Variants in PCDHGA9 observed in about 807,000 individuals in gnomAD.
PCDHGA9 encodes protocadherin gamma subfamily A, 9.
Under a neutral mutation model 62.5 loss-of-function variants are expected in PCDHGA9, and 37 were observed. That is an observed-to-expected ratio of 0.59 (90% CI 0.46 to 0.78). The LOEUF is 0.78. PCDHGA9 is among the 30% of genes least tolerant of loss of function. PCDHGA9 has a pLI of 0.00. For synonymous variants in PCDHGA9, 459 were observed against 484.6 expected, an observed-to-expected ratio of 0.95 and a Z score of 0.69; for missense variants, 1,138 against 1,166.2, an observed-to-expected ratio of 0.98 and a Z score of 0.35.
intron 1 of PCDHGA9, chr5:141,419,669 C>T: frequency 6.2e-7 from 1 of 1,612,840 alleles, no homozygotes; most frequent in Non-Finnish European, 8.5e-7. Context: ...CAATGCCTGG[C>T]TGTCCTACCA....
chr5:141,408,298 G>T (rs778209794), intron 1 of PCDHGA9: 1 of 1,613,704 alleles, frequency 6.2e-7, no homozygotes, highest in South Asian at 1.1e-5. Context: ...TGAGTGAGCC[G>T]ATCCGCTACT....
intron 1 of PCDHGA9, among the ~76,000 whole-genome samples, chr5:141,466,921 AG>A (rs2099132133): frequency 6.6e-6 from 1 of 152,204 alleles, no homozygotes; most frequent in African/African-American, 2.4e-5. Context: ...TCCTTGTATT[AG>A]GAATATTAGT....
At position 141,476,978 on chromosome 5, in the gene PCDHGA9, C is replaced by T; in HGVS notation, c.2425-17829C>T. 2 of 1,614,256 alleles carry T rather than the reference C, an allele frequency of 1.2e-6. No homozygotes were observed. Among genetic ancestry groups the T allele is most frequent in the Non-Finnish European group, 1.7e-6 (2 of 1,180,058 alleles). ...TATTTACTCCTTCGGCAGCCACAAC[C>T]GCGCCGGCGTGCGGCAACTATTCGC... On this transcript the variant is annotated intron_variant, in intron 1 of 3. Coordinates refer to ENST00000573521, the MANE Select transcript of PCDHGA9 (RefSeq NM_018921.3). This position sits in a 1 kb window ranked among gnomAD's most constrained non-coding sequence, Gnocchi z 7.6.
chr5:141,464,419 A>G (rs2099083824), intron 1 of PCDHGA9, among the ~76,000 whole-genome samples: 1 of 151,768 alleles, frequency 6.6e-6, no homozygotes, highest in South Asian at 2.1e-4. Context: ...ATATATCTAT[A>G]TATATAGATA....
chr5:141,488,711 A>G (rs184498001), intron 1 of PCDHGA9, among the ~76,000 whole-genome samples: 100 of 152,290 alleles, frequency 6.6e-4, no homozygotes, highest in Non-Finnish European at 1.2e-3. Context: ...TGCTGGTTCA[A>G]GCAAAGTGGT....
In PCDHGA9 at chr5:141,477,028, G is replaced by A. The variant is rs1015508317; in HGVS notation, c.2425-17779G>A. On this transcript the variant is annotated intron_variant, in intron 1 of 3. Coordinates refer to ENST00000573521, the MANE Select transcript of PCDHGA9 (RefSeq NM_018921.3). The surrounding 1 kb of genome is among the most constrained non-coding windows in gnomAD (Gnocchi z 4.9). ...CCTTAGACCTTGTAACCGGGATGCT[G>A]ACAATCAAGGGTCGGCTGGACTTCG... The A allele has an allele frequency of 2.5e-6, 4 of 1,614,146 alleles. No homozygotes were observed. The highest frequency in any genetic ancestry group is 1.7e-5 in the Admixed American group (1 of 60,018).
chr5:141,423,661 GT>G, intron 1 of PCDHGA9: 1 of 1,555,760 alleles, frequency 6.4e-7, no homozygotes. Flanking sequence ...AAGTAATCAG[GT>G]GAGATTTATT....
At chr5:141,422,965 C>T (rs2096693602) in intron 1 of PCDHGA9, 2 of 1,614,116 alleles carry the variant, frequency 1.2e-6, no homozygotes, top group African/African-American at 2.7e-5. Context: ...GGAGCTGGCG[C>T]CCCGCTCTGC....
rs756658304 is a variant in PCDHGA9, at chr5:141,485,531, G to C, written c.2425-9276G>C. 6.8e-6 allele frequency: 11 copies of C among 1,614,218 alleles called. No homozygotes were observed. In the Admixed American group the frequency reaches 1.5e-4, roughly 22 times the overall value. On this transcript the variant is annotated intron_variant, in intron 1 of 3. Transcript: ENST00000573521. This position sits in a 1 kb window ranked among gnomAD's most constrained non-coding sequence, Gnocchi z 5.7. ...AGGTCCTTTGGAAATGTACCGAGCA[G>C]AGGTAGAGATCGTAGATGTGAATGA... is the stretch of plus-strand genomic sequence containing the variant.
At chr5:141,465,152 G>C (rs1028596804) in intron 1 of PCDHGA9, among the ~76,000 whole-genome samples, 1 of 151,422 alleles carries the variant, frequency 6.6e-6, no homozygotes, top group African/African-American at 2.4e-5. Flanking sequence ...TATATGAAGG[G>C]ACTCTAAATG....
At chr5:141,484,621 T>C (rs2099598239) in intron 1 of PCDHGA9, among the ~76,000 whole-genome samples, 1 of 152,058 alleles carries the variant, frequency 6.6e-6, no homozygotes, top group Admixed American at 6.6e-5. Flanking sequence ...CAACACTGGC[T>C]TGAACAAAGT....
At chr5:141,478,063 A>G in intron 1 of PCDHGA9, 1 of 1,614,168 alleles carries the variant, frequency 6.2e-7, no homozygotes, top group Non-Finnish European at 8.5e-7. Context: ...TCTTGATCAA[A>G]GACAATGGGG....
intron 1 of PCDHGA9, chr5:141,408,715 G>T: frequency 1.9e-6 from 3 of 1,612,078 alleles, no homozygotes; most frequent in Non-Finnish European, 2.5e-6. Flanking sequence ...AAGATTATAA[G>T]ATAAACTCTA....
intron 1 of PCDHGA9, among the ~76,000 whole-genome samples, chr5:141,457,745 G>T (rs1039982528): frequency 6.6e-6 from 1 of 152,232 alleles, no homozygotes; most frequent in Non-Finnish European, 1.5e-5. Flanking sequence ...TTTTAAAGCT[G>T]AGCCCAGACA....
rs375469126 is a variant in PCDHGA9 at position 141,405,300 on chromosome 5, A to G, written c.2348A>G (p.Gln783Arg). 207 of 1,614,206 alleles carry G rather than the reference A, an allele frequency of 1.3e-4. No homozygotes were observed. Among genetic ancestry groups the G allele is most frequent in the Non-Finnish European group, 1.6e-4 (193 of 1,180,010 alleles). The change falls in exon 1 of 4, where the codon CAG (glutamine) becomes CGG (arginine). Residue 783 changes from glutamine to arginine, a missense_variant. Gln to Arg is a conservative substitution (Grantham distance 43). Transcript: ENST00000573521. Reference sequence around the variant, plus strand: ...TATGCAGACACACTCATCAGCCAGCAGAGCTGTGAGAAAAATGAGCCTTTG... The same window carrying G: ...TATGCAGACACACTCATCAGCCAGCGGAGCTGTGAGAAAAATGAGCCTTTG... ...PNYADTLISQQSCEKNEPLCV... is the reference protein window; with the variant it reads ...PNYADTLISQRSCEKNEPLCV...
intron 1 of PCDHGA9, among the ~76,000 whole-genome samples, chr5:141,469,403 C>T (rs902543178): frequency 4.6e-5 from 7 of 152,060 alleles, no homozygotes; most frequent in South Asian, 2.1e-4. Context: ...GGTGAAACCC[C>T]GTTTCTACTA....
rs2099693161 is a variant in PCDHGA9, at chr5:141,489,871, G to T, written c.2425-4936G>T. ...TGAAGCCCAGGCAAGACATCAGCTG[G>T]TGCTTACTGCTGTGGATGGGGGGAC... On this transcript the variant is annotated intron_variant, in intron 1 of 3. Coordinates refer to ENST00000573521, the MANE Select transcript of PCDHGA9 (RefSeq NM_018921.3). This position sits in a 1 kb window ranked among gnomAD's most constrained non-coding sequence, Gnocchi z 4.5. The T allele has an allele frequency of 6.2e-7, 1 of 1,614,088 alleles. No homozygotes were observed. Among genetic ancestry groups the T allele is most frequent in the Non-Finnish European group, 8.5e-7 (1 of 1,180,022 alleles).
rs748660721 is a variant in PCDHGA9 at position 141,485,346 on chromosome 5, G to A, written c.2425-9461G>A. The A allele has an allele frequency of 1.2e-6, 2 of 1,614,178 alleles. No individual in the cohort carries two copies. Among genetic ancestry groups the A allele is most frequent in the South Asian group, 2.2e-5 (2 of 91,088 alleles). ...CAAGATTTCCTGCTGGATACGGACA[G>A]TCTGTCAGCTCGCAGGCTGCAGGTC... On this transcript the variant is annotated intron_variant, in intron 1 of 3. Transcript: ENST00000573521. This position sits in a 1 kb window ranked among gnomAD's most constrained non-coding sequence, Gnocchi z 5.7.
In PCDHGA9 at chr5:141,485,869, G is replaced by A; in HGVS notation, c.2425-8938G>A. On this transcript the variant is annotated intron_variant, in intron 1 of 3. Coordinates refer to ENST00000573521, the MANE Select transcript of PCDHGA9 (RefSeq NM_018921.3). The surrounding 1 kb of genome is among the most constrained non-coding windows in gnomAD (Gnocchi z 5.7). ...GCACCGCAGAGCTCCGGGTATCCGT[G>A]CTGGACGTAAACGACAACGCCCCAG... is the stretch of plus-strand genomic sequence containing the variant. 1 of 1,614,176 alleles carries A rather than the reference G, an allele frequency of 6.2e-7. No individual in the cohort carries two copies. The highest frequency in any genetic ancestry group is 8.5e-7 in the Non-Finnish European group (1 of 1,180,040).
Sources: allele counts gnomAD v4.1 joint callset (sites outside exome capture counted in the v4.1 genomes callset), GRCh38; gene constraint gnomAD v4.1.1; non-coding constraint Gnocchi (gnomAD v3.1); transcripts MANE v1.5; gene names NCBI Gene and HGNC (gene_info 2026-07-23, HGNC 2026-07-21).